SNX11: variants seen among roughly 807,000 people sequenced by gnomAD.
The protein encoded by SNX11 is sorting nexin-11.
A neutral mutation model predicts 30.7 loss-of-function variants in SNX11; 19 were observed. That is an observed-to-expected ratio of 0.62 (90% CI 0.43 to 0.91). The LOEUF (loss-of-function observed/expected upper bound fraction) is 0.91, where lower values mean the gene tolerates loss of function less well. Among genes scored for constraint, SNX11 ranks in the 40% least tolerant of loss-of-function variants. The pLI is 0.00. For missense variants in SNX11, 302 were observed against 326.7 expected, an observed-to-expected ratio of 0.92 and a Z score of 0.58; for synonymous variants, 112 against 119.0, an observed-to-expected ratio of 0.94 and a Z score of 0.38.
At position 48,108,184 on chromosome 17, in the gene SNX11, G is replaced by A. The variant is rs971013105; in HGVS notation, c.-14+346G>A. On this transcript the variant is annotated intron_variant, in intron 1 of 6. Coordinates refer to ENST00000359238, the MANE Select transcript of SNX11 (RefSeq NM_013323.3). The stretch of plus-strand genomic sequence containing the variant: ...TTTACTTAAATGGCTAAGACTGGGG[G>A]CAATGGCGAGTATTTTACGTGGACA... Among the ~76,000 whole-genome samples the A allele has an allele frequency of 1.2e-4, 19 of 152,176 alleles. No individual in the cohort carries two copies. The East Asian group carries it at 3.5e-3, about 28-fold the overall frequency.
chr17:48,108,146 G>T (rs1248023462), intron 1 of SNX11, among the ~76,000 whole-genome samples: 1 of 152,162 alleles, frequency 6.6e-6, no homozygotes, highest in Non-Finnish European at 1.5e-5. Context: ...CGTAGTAAAA[G>T]ACTCTGGGGA....
chr17:48,115,295 C>T (rs2063534505), intron 4 of SNX11, among the ~76,000 whole-genome samples: 1 of 152,068 alleles, frequency 6.6e-6, no homozygotes, highest in African/African-American at 2.4e-5. Context: ...CTCCCAACCT[C>T]AGGCAATCCG....
chr17:48,117,840 A>G lies in SNX11; in HGVS notation c.231-864A>G, dbSNP rs1598337744. The stretch of plus-strand genomic sequence containing the variant: ...CAACAGAGCAATACTGTCTCTACAG[A>G]TACATAAGTAAACAAATAAATAAAT... On this transcript the variant is annotated intron_variant, in intron 4 of 6. Transcript: ENST00000359238. Among the ~76,000 whole-genome samples the G allele has an allele frequency of 3.9e-5, 6 of 152,258 alleles. No homozygotes were observed. In the South Asian group the frequency reaches 1.2e-3, roughly 32 times the overall value.
chr17:48,118,778 G>C lies in SNX11; in HGVS notation c.305G>C (p.Gly102Ala). The change falls in exon 5 of 7, where the codon GGT becomes GCT. Residue 102 changes from glycine (G) to alanine (A), a missense_variant. Coordinates refer to ENST00000359238, the MANE Select transcript of SNX11 (RefSeq NM_013323.3). The stretch of plus-strand genomic sequence containing the variant: ...GAGTTCATTGAGAAGCGACGACAAG[G>C]TCTGCAGCACTTCCTTGAAAAGTGA... ...SDEFIEKRRQ[G>A]LQHFLEKVLQ... The C allele has an allele frequency of 1.2e-6, 2 of 1,614,058 alleles. No homozygotes were observed. Among genetic ancestry groups the C allele is most frequent in the Non-Finnish European group, 1.7e-6 (2 of 1,179,958 alleles).
chr17:48,121,380 C>T lies in SNX11; in HGVS notation c.685C>T (p.Pro229Ser), dbSNP rs145989406. The T allele has an allele frequency of 7.6e-5, 123 of 1,614,214 alleles. No individual in the cohort carries two copies. The African/African-American group carries it at 1.6e-3, about 20-fold the overall frequency. ...ESPTLPPLSS[P>S]LCCDFGRPKE... is the part of the protein sequence containing the mutation. ...TCCCACTCTCCCACCCCTCTCCTCA[C>T]CATTATGCTGTGATTTTGGAAGACC... Residue 229 changes from proline to serine, a missense_variant, in exon 7 of 7, where the codon CCA becomes TCA. Physicochemically the swap from Pro to Ser is moderately conservative, Grantham distance 74. Transcript: ENST00000359238.
chr17:48,113,454 T>C, intron 4 of SNX11, 53 bp downstream of exon 4: 1 of 1,295,380 alleles, frequency 7.7e-7, no homozygotes, highest in South Asian at 1.2e-5. Context: ...TTTGGGTGCT[T>C]ATGTAGGAAC....
rs553689823 is a variant in SNX11 at position 48,117,399 on chromosome 17, C to T, written c.231-1305C>T. ...CCTCCCGAGTAGTTGGGACTACAGG[C>T]GCCCGCCACCACGCCCGGCTAGTTT... On this transcript the variant is annotated intron_variant, in intron 4 of 6. Transcript: ENST00000359238. 5.9e-3 allele frequency among the ~76,000 whole-genome samples: 899 copies of T among 151,850 alleles called. 9 individuals are homozygous for T. The highest frequency in any genetic ancestry group is 0.021 in the African/African-American group (865 of 41,406).
At chr17:48,110,984 C>T in intron 1 of SNX11, 2 of 543,760 alleles carry the variant, frequency 3.7e-6, no homozygotes, top group Non-Finnish European at 4.7e-6. Flanking sequence ...TGTCGCTATA[C>T]ACGTGAACTG....
In SNX11 at chr17:48,108,340, G is replaced by C. The variant is rs193018371; in HGVS notation, c.-14+502G>C. Among the ~76,000 whole-genome samples, 103 of 152,330 alleles carry C rather than the reference G, an allele frequency of 6.8e-4. 2 individuals are homozygous for C. The East Asian group carries it at 0.017, about 25-fold the overall frequency. ...GATCACACAGAGCTTGGTCAGAACT[G>C]GGAGCTTCCTCTGTTTAGTACCTGT... On this transcript the variant is annotated intron_variant, in intron 1 of 6. Transcript: ENST00000359238.
At chr17:48,110,208 A>T (rs924456102) in intron 1 of SNX11, among the ~76,000 whole-genome samples, 1 of 152,096 alleles carries the variant, frequency 6.6e-6, no homozygotes, top group African/African-American at 2.4e-5. Context: ...TGATATCTGG[A>T]ATGTTATATA....
At chr17:48,118,945 C>G (rs745842991) in intron 5 of SNX11, 29 bp from the exon 6 acceptor site, 6 of 1,606,946 alleles carry the variant, frequency 3.7e-6, no homozygotes, top group Non-Finnish European at 5.1e-6. Context: ...GGGTGATGCT[C>G]TGTGTTGTGC....
chr17:48,109,738 C>G (rs1300467895), intron 1 of SNX11, among the ~76,000 whole-genome samples: 8 of 151,924 alleles, frequency 5.3e-5, no homozygotes, highest in Non-Finnish European at 1.2e-4. Context: ...CCACCACGCC[C>G]GCTAATTTTT....
Position 48,112,558 on chromosome 17 carries a change from C to T in SNX11, c.43-16C>T, listed in dbSNP as rs201806847. The stretch of plus-strand genomic sequence containing the variant: ...TGCTGTGTAGCTGAAGCTGAGGGAG[C>T]TTTTCTTACCTACAGGAGGTGATTA... On this transcript the variant is annotated splice_polypyrimidine_tract_variant and intron_variant, in intron 2 of 6. Transcript: ENST00000359238. The T allele has an allele frequency of 6.3e-7, 1 of 1,590,540 alleles. No homozygotes were observed. Among genetic ancestry groups the T allele is most frequent in the Admixed American group, 1.7e-5 (1 of 58,830 alleles).
intron 4 of SNX11, among the ~76,000 whole-genome samples, chr17:48,114,868 C>T (rs1042083090): frequency 6.6e-5 from 10 of 150,914 alleles, no homozygotes; most frequent in African/African-American, 1.9e-4. Flanking sequence ...GGTTTTACCA[C>T]GTTGCCCAGG....
intron 2 of SNX11, 89 bp downstream of exon 2, chr17:48,112,174 T>G (rs1346950505): frequency 7.0e-6 from 8 of 1,148,518 alleles, no homozygotes; most frequent in Admixed American, 6.8e-5. Flanking sequence ...AATCATTAAT[T>G]ATTACCTGCA....
At chr17:48,119,384 CT>C (rs1170679664) in intron 6 of SNX11, among the ~76,000 whole-genome samples, 198 bp downstream of exon 6, 1 of 152,166 alleles carries the variant, frequency 6.6e-6, no homozygotes, top group Non-Finnish European at 1.5e-5. Context: ...CTACTGAAAC[CT>C]GGGGAGAAAG....
chr17:48,119,449 A>G (rs1177894162), intron 6 of SNX11, among the ~76,000 whole-genome samples: 1 of 151,632 alleles, frequency 6.6e-6, no homozygotes, highest in Non-Finnish European at 1.5e-5. Context: ...CTCCCTTTTT[A>G]TTTATTTATT....
At chr17:48,114,969 G>T (rs2063530023) in intron 4 of SNX11, among the ~76,000 whole-genome samples, 1 of 150,774 alleles carries the variant, frequency 6.6e-6, no homozygotes, top group African/African-American at 2.4e-5. Flanking sequence ...GCCCAGCCTG[G>T]GCAGGCTGGT....
chr17:48,115,967 G>T (rs2063541790), intron 4 of SNX11, among the ~76,000 whole-genome samples: 1 of 143,656 alleles, frequency 7.0e-6, no homozygotes. Context: ...TTGAGACAGA[G>T]CTTAGCTAAG....
Sources: allele counts gnomAD v4.1 joint callset (sites outside exome capture counted in the v4.1 genomes callset), GRCh38; gene constraint gnomAD v4.1.1; transcripts MANE v1.5; gene names NCBI Gene and HGNC (gene_info 2026-07-23, HGNC 2026-07-21).